LRCH4: variants seen among roughly 807,000 people sequenced by gnomAD.
The protein encoded by LRCH4 is leucine rich repeats and calponin homology domain containing 4.
In LRCH4, 56 loss-of-function variants were observed where a neutral mutation model predicts 81.2. That is an observed-to-expected ratio of 0.69 (90% CI 0.56 to 0.86). The LOEUF (loss-of-function observed/expected upper bound fraction) is 0.86. LRCH4 is among the 40% of genes least tolerant of loss of function. LRCH4 has a pLI of 0.00. For synonymous variants in LRCH4, 442 were observed against 409.7 expected (o/e 1.08, Z -0.95); for missense variants, 895 against 922.8 (o/e 0.97, Z 0.39).
In LRCH4 at chr7:100,575,443, CAGTGCAGGAGG is replaced by C. The variant is rs1362149763; in HGVS notation, c.1855-150_1855-140del. The C allele has an allele frequency of 3.3e-6, 3 of 899,440 alleles. No homozygotes were observed. The South Asian group carries it at 4.3e-5, about 13-fold the overall frequency. 55.7% of individuals were successfully genotyped at this position (899,440 alleles called of 1,614,324 possible). A position where few individuals can be genotyped will look rare whatever the true frequency, so the allele number is the denominator to read the frequency against. On this transcript the variant is annotated intron_variant, in intron 17 of 17. Transcript: ENST00000310300. The surrounding 1 kb of genome is among the most constrained non-coding windows in gnomAD (Gnocchi z 5.3). ...GCTGACGTGCTGGGCAGGGGGAGTGCAGTGCAGGAGGAGTGCAGGGCAGGGCATGTGCAGGA... is the reference window on the plus strand; with the variant it reads ...GCTGACGTGCTGGGCAGGGGGAGTGCAGTGCAGGGCAGGGCATGTGCAGGA...
At chr7:100,585,849 C>A (rs201000177) in intron 1 of LRCH4, 32 bp downstream of exon 1, 1 of 1,528,986 alleles carries the variant, frequency 6.5e-7, no homozygotes, top group East Asian at 2.4e-5. Flanking sequence ...AAATGAGGGA[C>A]CCGGTTGGGC....
chr7:100,584,695 C>T, intron 1 of LRCH4: 1 of 456,540 alleles, frequency 2.2e-6, no homozygotes, highest in Non-Finnish European at 4.4e-6. Context: ...TCAAGTGTTG[C>T]AGAGCAGGCG....
chr7:100,584,055 G>A, intron 1 of LRCH4: 1 of 441,518 alleles, frequency 2.3e-6, no homozygotes, highest in South Asian at 1.6e-5. Flanking sequence ...TAGTCCAAGG[G>A]AGATCAGGGA....
intron 4 of LRCH4, among the ~76,000 whole-genome samples, chr7:100,581,202 A>T (rs1348360347): frequency 6.6e-6 from 1 of 152,210 alleles, no homozygotes; most frequent in Non-Finnish European, 1.5e-5. Flanking sequence ...GCCTGTGTCC[A>T]CGTTTCTAAC....
chr7:100,580,670 GAC>G (rs1261224423), intron 4 of LRCH4: 6 of 145,972 alleles, frequency 4.1e-5, no homozygotes, highest in African/African-American at 1.0e-4. Flanking sequence ...CACATGCACA[GAC>G]ACACACGACA....
rs1801354962 is a variant in LRCH4, at chr7:100,576,254, A to C, written c.1622T>G (p.Met541Arg). The C allele has an allele frequency of 6.2e-7, 1 of 1,614,118 alleles. No homozygotes were observed. The highest frequency in any genetic ancestry group is 1.3e-5 in the African/African-American group (1 of 75,060). ...YPQVPDEKDLMTQLRQVLESR... is the reference protein window; with the variant it reads ...YPQVPDEKDLRTQLRQVLESR... ...TCTGCTCACCTGGCGCAGCTGAGTC[A>C]TTAAGTCCTTCTCATCTGGAACCTG... is the stretch of plus-strand genomic sequence containing the variant. Residue 541 changes from methionine (M) to arginine (R), a missense_variant, in exon 15 of 18, where the codon ATG becomes AGG. Around this residue, in one of 3 missense-constraint regions of LRCH4, gnomAD observed 529 missense variants for 504.9 expected, o/e 1.05. Transcript: ENST00000310300.
At chr7:100,579,052 C>T (rs939326984) in intron 4 of LRCH4, 52 of 504,022 alleles carry the variant, frequency 1.0e-4, no homozygotes, top group East Asian at 4.6e-4. Flanking sequence ...CGTCAGGTCC[C>T]GCCCAGCCCT....
In LRCH4 at chr7:100,582,317, G is replaced by A. The variant is rs779412532; in HGVS notation, c.363C>T (p.Leu121=). The A allele has an allele frequency of 1.9e-6, 3 of 1,614,162 alleles. No homozygotes were observed. The highest frequency in any genetic ancestry group is 2.5e-6 in the Non-Finnish European group (3 of 1,180,038). ...GNLTALTYLN[L]SRNQLSLLPP... is the part of the protein sequence containing the mutation. ...TGGCCCTGGCTCGGCCTCCCTACCT[G>A]AGGTTGAGGTAGGTGAGGGCTGTGA... is the stretch of plus-strand genomic sequence containing the variant. The change falls in exon 2 of 18, where the codon CTC becomes CTT. Residue 121 remains leucine, a splice_region_variant and synonymous_variant. Transcript: ENST00000310300. The surrounding 1 kb of genome is among the most constrained non-coding windows in gnomAD (Gnocchi z 5.0).
In LRCH4 at chr7:100,575,539, A is replaced by G; in HGVS notation, c.1854+166T>C. 1.1e-6 allele frequency: 1 copy of G among 921,122 alleles called. No homozygotes were observed. The highest frequency in any genetic ancestry group is 2.4e-5 in the East Asian group (1 of 41,666). The allele number at this position is 921,122 out of a possible 1,614,324, so 57.1% of individuals were successfully genotyped here. On this transcript the variant is annotated intron_variant, in intron 17 of 17. Transcript: ENST00000310300. This position sits in a 1 kb window ranked among gnomAD's most constrained non-coding sequence, Gnocchi z 5.3. The stretch of plus-strand genomic sequence containing the variant: ...GCAGGGGATGTGTAGGACAGGTGAC[A>G]TGCAGGGCAGGGGGCATGCAGGGCA...
chr7:100,583,792 C>A lies in LRCH4; in HGVS notation c.221-1333G>T, dbSNP rs1299162746. 6.6e-6 allele frequency among the ~76,000 whole-genome samples: 1 copy of A among 152,130 alleles called. No individual in the cohort carries two copies. The highest frequency in any genetic ancestry group is 2.4e-5 in the African/African-American group (1 of 41,414). ...CATTTGCCCCTCCCAGCCTCGCCTC[C>A]ACCTGCCCGCTTTCTCTGCAAATGT... On this transcript the variant is annotated intron_variant, in intron 1 of 17. Transcript: ENST00000310300. The surrounding 1 kb of genome is among the most constrained non-coding windows in gnomAD (Gnocchi z 4.3).
In LRCH4 at chr7:100,586,070, C is replaced by T. The variant is rs761102006; in HGVS notation, c.31G>A (p.Ala11Thr). The T allele has an allele frequency of 5.3e-5, 82 of 1,557,016 alleles. No homozygotes were observed. The highest frequency in any genetic ancestry group is 5.6e-5 in the Non-Finnish European group (65 of 1,152,754). The change falls in exon 1 of 18, where the codon GCC becomes ACC. Residue 11 changes from alanine to threonine, a missense_variant. Physicochemically the swap from Ala to Thr is moderately conservative, Grantham distance 58 (BLOSUM62 0). Transcript: ENST00000310300. ...GTGGCTGCCGCCTCCTCACCCCCGG[C>T]GGCGAGTGGAGCCGCTACGGCCGCC... MAAAVAAPLA[A>T]GGEEAAATTS...
rs1394279653 is a variant in LRCH4, at chr7:100,577,218, C to T, written c.1295+55G>A. ...AGAACGGCTCAGCGGGGCTCGGTGG[C>T]CCCATTTCCAGGGCTCAGTGTCCAG... On this transcript the variant is annotated intron_variant, in intron 11 of 17. Coordinates refer to ENST00000310300, the MANE Select transcript of LRCH4 (RefSeq NM_002319.5). The surrounding 1 kb of genome is among the most constrained non-coding windows in gnomAD (Gnocchi z 6.7). 8 of 1,608,344 alleles carry T rather than the reference C, an allele frequency of 5.0e-6. No homozygotes were observed. The African/African-American group carries it at 9.3e-5, about 19-fold the overall frequency.
rs564990859 is a variant in LRCH4 at position 100,582,506 on chromosome 7, G to A, written c.221-47C>T. ...GGAGAGTTGCGGAAAGGCCCAGCCC[G>A]GACAGGACCTTCAGTCCCCCCAGAG... On this transcript the variant is annotated intron_variant, in intron 1 of 17. Coordinates refer to ENST00000310300, the MANE Select transcript of LRCH4 (RefSeq NM_002319.5). The surrounding 1 kb of genome is among the most constrained non-coding windows in gnomAD (Gnocchi z 5.0). 82 of 1,579,474 alleles carry A rather than the reference G, an allele frequency of 5.2e-5. No homozygotes were observed. Among genetic ancestry groups the A allele is most frequent in the Admixed American group, 5.1e-4 (29 of 56,922 alleles).
At chr7:100,585,853 G>T (rs1457018875) in intron 1 of LRCH4, 28 bp downstream of exon 1, 2 of 1,541,364 alleles carry the variant, frequency 1.3e-6, no homozygotes, top group South Asian at 2.4e-5. Context: ...GAGGGACCCG[G>T]TTGGGCCCGG....
rs1248985887 is a variant in LRCH4, at chr7:100,577,828, C to T, written c.1033G>A (p.Gly345Ser). The T allele has an allele frequency of 2.5e-6, 4 of 1,613,016 alleles. No homozygotes were observed. ...GGCCAGCCCTGCTACTCACCTGAGCCATCCTCCTTGCGTTCTCTGGGTCCC... is the reference window on the plus strand; with the variant it reads ...GGCCAGCCCTGCTACTCACCTGAGCTATCCTCCTTGCGTTCTCTGGGTCCC... Reference protein sequence around the residue: ...PRGPRERKEDGSADGDPVQID... With the variant: ...PRGPRERKEDSSADGDPVQID... The change falls in exon 8 of 18, where the codon GGC (glycine) becomes AGC (serine). Residue 345 changes from glycine (G) to serine (S), a missense_variant. Gly to Ser is a moderately conservative substitution (Grantham distance 56). Around this residue, in one of 3 missense-constraint regions of LRCH4, gnomAD observed 529 missense variants for 504.9 expected, o/e 1.05. Transcript: ENST00000310300. This position sits in a 1 kb window ranked among gnomAD's most constrained non-coding sequence, Gnocchi z 6.7.
Position 100,577,769 on chromosome 7 carries a change from G to A in LRCH4, c.1040-29C>T. On this transcript the variant is annotated intron_variant, in intron 8 of 17. Coordinates refer to ENST00000310300, the MANE Select transcript of LRCH4 (RefSeq NM_002319.5). This position sits in a 1 kb window ranked among gnomAD's most constrained non-coding sequence, Gnocchi z 6.7. Reference sequence around the variant, plus strand: ...GGGAGGCCAGCATGTCAGCAAGTGAGCGGGGACCCAGGCCCTGGTCCAGCC... The same window carrying A: ...GGGAGGCCAGCATGTCAGCAAGTGAACGGGGACCCAGGCCCTGGTCCAGCC... The A allele has an allele frequency of 1.2e-6, 2 of 1,613,800 alleles. No homozygotes were observed. The highest frequency in any genetic ancestry group is 1.7e-6 in the Non-Finnish European group (2 of 1,179,700).
intron 1 of LRCH4, 137 bp downstream of exon 1, chr7:100,585,744 G>A: frequency 1.1e-6 from 1 of 885,368 alleles, no homozygotes; most frequent in Non-Finnish European, 1.7e-6. Context: ...GATGGCTGCA[G>A]GTTTAGGGCA....
In LRCH4 at chr7:100,575,794, G is replaced by T; in HGVS notation, c.1777-12C>A. 1 of 1,607,466 alleles carries T rather than the reference G, an allele frequency of 6.2e-7. No individual in the cohort carries two copies. The highest frequency in any genetic ancestry group is 1.1e-5 in the South Asian group (1 of 90,740). ...GCACTGAGTTTTGGCTGGGGTGGGT[G>T]AAAGAAGAAAATGTGGTAAGGGAGA... is the stretch of plus-strand genomic sequence containing the variant. On this transcript the variant is annotated splice_polypyrimidine_tract_variant and intron_variant, in intron 16 of 17. Coordinates refer to ENST00000310300, the MANE Select transcript of LRCH4 (RefSeq NM_002319.5). This position sits in a 1 kb window ranked among gnomAD's most constrained non-coding sequence, Gnocchi z 5.3.
chr7:100,576,829 CCT>C (rs754423247), intron 13 of LRCH4, 52 bp from the exon 14 acceptor site: 8 of 1,529,852 alleles, frequency 5.2e-6, no homozygotes, highest in East Asian at 2.4e-5. Flanking sequence ...ACAGGCATCC[CCT>C]CTGTGTCCCT....
Sources: allele counts gnomAD v4.1 joint callset (sites outside exome capture counted in the v4.1 genomes callset), GRCh38; gene constraint gnomAD v4.1.1; regional missense constraint gnomAD v4.1.1; non-coding constraint Gnocchi (gnomAD v3.1); transcripts MANE v1.5; gene names NCBI Gene and HGNC (gene_info 2026-07-23, HGNC 2026-07-21).